Variants in PTPRO observed in about 807,000 individuals in gnomAD.
The protein encoded by PTPRO is receptor-type tyrosine-protein phosphatase O.
In PTPRO, 62 loss-of-function variants were observed where a neutral mutation model predicts 145.2. The observed-to-expected ratio is 0.43, with a 90% CI of 0.35 to 0.53. PTPRO has a LOEUF of 0.53. Ranked by LOEUF, PTPRO falls within the 20% of genes least tolerant of loss-of-function variation. The pLI is 0.01. For synonymous variants in PTPRO, 565 were observed against 514.7 expected, an observed-to-expected ratio of 1.10 and a Z score of -1.32; for missense variants, 1,345 against 1,482.7, an observed-to-expected ratio of 0.91 and a Z score of 1.53.
chr12:15,383,416 C>T (rs1938924882), intron 1 of PTPRO, among the ~76,000 whole-genome samples: 1 of 152,136 alleles, frequency 6.6e-6, no homozygotes, highest in Non-Finnish European at 1.5e-5. Context: ...ATGACTAATG[C>T]TGCAGGGAAC....
intron 1 of PTPRO, among the ~76,000 whole-genome samples, chr12:15,402,764 A>G (rs997590518): frequency 1.3e-5 from 2 of 152,178 alleles, no homozygotes; most frequent in Admixed American, 6.5e-5. Context: ...TATTCTAACT[A>G]TTTAATATAG....
intron 1 of PTPRO, among the ~76,000 whole-genome samples, chr12:15,424,401 G>A (rs985757876): frequency 2.6e-5 from 4 of 152,046 alleles, no homozygotes; most frequent in Admixed American, 6.6e-5. Context: ...GAATCAATTT[G>A]TAGTTATCCA....
At chr12:15,457,533 G>T (rs1383181616) in intron 1 of PTPRO, among the ~76,000 whole-genome samples, 1 of 151,906 alleles carries the variant, frequency 6.6e-6, no homozygotes, top group Non-Finnish European at 1.5e-5. Context: ...GTTGTTAATT[G>T]TTTTCTGTCT....
intron 2 of PTPRO, among the ~76,000 whole-genome samples, chr12:15,490,562 C>T (rs900801299): frequency 9.2e-5 from 14 of 152,084 alleles, no homozygotes; most frequent in African/African-American, 3.1e-4. Flanking sequence ...AAAAGTCAAA[C>T]AAAAACAGGT....
chr12:15,396,177 G>A (rs1186826225), intron 1 of PTPRO, among the ~76,000 whole-genome samples: 2 of 152,264 alleles, frequency 1.3e-5, no homozygotes, highest in East Asian at 1.9e-4. Flanking sequence ...TATATGTGAT[G>A]TGTGTTGTGA....
rs562566665 is a variant in PTPRO at position 15,570,912 on chromosome 12, A to G, written c.2829+1414A>G. 8.5e-5 allele frequency among the ~76,000 whole-genome samples: 13 copies of G among 152,278 alleles called. No individual in the cohort carries two copies. In the South Asian group the frequency reaches 2.5e-3, roughly 29 times the overall value. On this transcript the variant is annotated intron_variant, in intron 19 of 26. Transcript: ENST00000281171. Reference sequence around the variant, plus strand: ...GTTTATGTCTTGAAACCCAAGCATAACTATTACTGTTTCTGAATTGCATGA... The same window carrying G: ...GTTTATGTCTTGAAACCCAAGCATAGCTATTACTGTTTCTGAATTGCATGA...
At chr12:15,466,074 A>C (rs2136405744) in intron 1 of PTPRO, among the ~76,000 whole-genome samples, 1 of 152,326 alleles carries the variant, frequency 6.6e-6, no homozygotes, top group East Asian at 1.9e-4. Flanking sequence ...TTCAGATGAG[A>C]GAACTGAGTC....
At chr12:15,565,812 T>C (rs1379739905) in intron 18 of PTPRO, among the ~76,000 whole-genome samples, 184 bp downstream of exon 18, 1 of 152,186 alleles carries the variant, frequency 6.6e-6, no homozygotes, top group Non-Finnish European at 1.5e-5. Context: ...ACTAGAAAAG[T>C]GTATCACAGA....
chr12:15,497,240 T>G lies in PTPRO; in HGVS notation c.350-5T>G, dbSNP rs980484819. 6.4e-7 allele frequency: 1 copy of G among 1,557,274 alleles called. No homozygotes were observed. Among genetic ancestry groups the G allele is most frequent in the Non-Finnish European group, 8.9e-7 (1 of 1,129,510 alleles). ...TCCCTTTCTCCATTTACTTCACTTC[T>G]GTAGAACCTCTACCTGTAACCAGTG... On this transcript the variant is annotated splice_region_variant and splice_polypyrimidine_tract_variant and intron_variant, in intron 2 of 26. Coordinates refer to ENST00000281171, the MANE Select transcript of PTPRO (RefSeq NM_030667.3).
At chr12:15,454,974 A>T (rs1214119791) in intron 1 of PTPRO, among the ~76,000 whole-genome samples, 2 of 152,124 alleles carry the variant, frequency 1.3e-5, no homozygotes. Context: ...TGATTACTGT[A>T]ACTTTGTAAT....
intron 1 of PTPRO, among the ~76,000 whole-genome samples, chr12:15,342,654 C>T (rs1404141874): frequency 6.6e-6 from 1 of 152,178 alleles, no homozygotes; most frequent in East Asian, 1.9e-4. Flanking sequence ...GCTGTGGAAC[C>T]CTAGTTCTCT....
intron 1 of PTPRO, among the ~76,000 whole-genome samples, chr12:15,360,380 T>C (rs375274173): frequency 2.0e-5 from 3 of 152,228 alleles, no homozygotes; most frequent in Non-Finnish European, 4.4e-5. Flanking sequence ...TCAAAGCATA[T>C]AGTGATACAC....
rs1300322534 is a variant in PTPRO at position 15,501,794 on chromosome 12, T to C, written c.836T>C (p.Ile279Thr). Reference sequence around the variant, plus strand: ...ACCCCTGAAATTCCCTCGGGCAACATTTCTTCCGGTTGGCCTGATTTTAAT... The same window carrying C: ...ACCCCTGAAATTCCCTCGGGCAACACTTCTTCCGGTTGGCCTGATTTTAAT... ...EETPEIPSGN[I>T]SSGWPDFNSS... Residue 279 changes from isoleucine to threonine, a missense_variant, in exon 5 of 27, where the codon ATT becomes ACT. Ile to Thr is a moderately conservative substitution (Grantham distance 89). Transcript: ENST00000281171. The C allele has an allele frequency of 6.2e-7, 1 of 1,614,120 alleles. No individual in the cohort carries two copies. The highest frequency in any genetic ancestry group is 8.5e-7 in the Non-Finnish European group (1 of 1,180,016).
At position 15,399,910 on chromosome 12, in the gene PTPRO, G is replaced by T. The variant is rs1050452565; in HGVS notation, c.75+77109G>T. Among the ~76,000 whole-genome samples the T allele has an allele frequency of 4.6e-5, 7 of 151,298 alleles. No individual in the cohort carries two copies. In the South Asian group the frequency reaches 1.5e-3, roughly 32 times the overall value. ...TACTAAAAATACAAAAATTAGACGGGCGTGTTGGCGCATACCTGTAATCCC... is the reference window on the plus strand; with the variant it reads ...TACTAAAAATACAAAAATTAGACGGTCGTGTTGGCGCATACCTGTAATCCC... On this transcript the variant is annotated intron_variant, in intron 1 of 26. Coordinates refer to ENST00000281171, the MANE Select transcript of PTPRO (RefSeq NM_030667.3).
chr12:15,407,547 A>G (rs1271758784), intron 1 of PTPRO, among the ~76,000 whole-genome samples: 1 of 152,238 alleles, frequency 6.6e-6, no homozygotes, highest in East Asian at 1.9e-4. Context: ...TTGGAGTGCC[A>G]AAGCAGCAGA....
intron 2 of PTPRO, among the ~76,000 whole-genome samples, chr12:15,491,768 A>AT (rs1352659348): frequency 6.6e-6 from 1 of 152,182 alleles, no homozygotes; most frequent in Non-Finnish European, 1.5e-5. Context: ...CAGAAACAAG[A>AT]TAAAAACTCA....
intron 13 of PTPRO, among the ~76,000 whole-genome samples, chr12:15,548,823 T>A (rs1291586740): frequency 1.3e-5 from 2 of 152,182 alleles, no homozygotes; most frequent in Non-Finnish European, 2.9e-5. Flanking sequence ...CCATCACTTA[T>A]GTTTTTTAAC....
chr12:15,382,818 T>G (rs1938904366), intron 1 of PTPRO, among the ~76,000 whole-genome samples: 1 of 152,206 alleles, frequency 6.6e-6, no homozygotes, highest in Non-Finnish European at 1.5e-5. Flanking sequence ...ATTATAAGTC[T>G]TTTTAGAATT....
intron 1 of PTPRO, among the ~76,000 whole-genome samples, chr12:15,437,597 A>G (rs1940633574): frequency 6.6e-6 from 1 of 151,678 alleles, no homozygotes; most frequent in African/African-American, 2.4e-5. Context: ...CATTTAGAAT[A>G]CCTGCTTGCC....
Sources: allele counts gnomAD v4.1 joint callset (sites outside exome capture counted in the v4.1 genomes callset), GRCh38; gene constraint gnomAD v4.1.1; transcripts MANE v1.5; gene names NCBI Gene and HGNC (gene_info 2026-07-23, HGNC 2026-07-21).